PTPRD: variants seen among roughly 807,000 people sequenced by gnomAD.
PTPRD encodes the protein receptor-type tyrosine-protein phosphatase delta.
PTPRD carries 34 observed loss-of-function variants against 214.5 expected under a neutral mutation model. The ratio of observed to expected loss-of-function variants is 0.16; its 90% CI spans 0.12 to 0.21. PTPRD has a LOEUF of 0.21. PTPRD is among the 10% of genes least tolerant of loss of function. PTPRD has a pLI of 1.00. For missense variants in PTPRD, 2,545 were observed against 2,398.7 expected, an observed-to-expected ratio of 1.06 and a Z score of -1.27; for synonymous variants, 1,128 against 845.7, an observed-to-expected ratio of 1.33 and a Z score of -5.79.
rs552938334 is a variant in PTPRD, at chr9:10,314,447, A to G, written c.-545+26516T>C. 3.3e-5 allele frequency among the ~76,000 whole-genome samples: 5 copies of G among 152,072 alleles called. No homozygotes were observed. The South Asian group carries it at 1.0e-3, about 32-fold the overall frequency. ...TATAGCAGGAACAAGTAAACAAATA[A>G]GAATCAGGAACTCCTGAGTAGGCAG... On this transcript the variant is annotated intron_variant, in intron 3 of 45. Transcript: ENST00000381196.
intron 9 of PTPRD, among the ~76,000 whole-genome samples, chr9:9,397,189 T>C (rs1057485886): frequency 1.3e-5 from 2 of 152,018 alleles, no homozygotes; most frequent in Admixed American, 1.3e-4. Flanking sequence ...ACTTTTCTAG[T>C]TGATTGAGAG....
chr9:9,459,125 C>T (rs1045992020), intron 8 of PTPRD, among the ~76,000 whole-genome samples: 4 of 151,954 alleles, frequency 2.6e-5, no homozygotes, highest in Admixed American at 2.6e-4. Context: ...CTCAAAGCCC[C>T]ATGGAATGGC....
chr9:9,253,937 G>C (rs1433226335), intron 9 of PTPRD, among the ~76,000 whole-genome samples: 1 of 152,026 alleles, frequency 6.6e-6, no homozygotes. Flanking sequence ...TCAGCCTCTG[G>C]CAGTTGCCAG....
intron 11 of PTPRD, among the ~76,000 whole-genome samples, chr9:8,945,692 G>T (rs1321242916): frequency 6.6e-6 from 1 of 151,272 alleles, no homozygotes; most frequent in South Asian, 2.1e-4. Context: ...TTGATTATTT[G>T]GTAATGGATT....
intron 14 of PTPRD, among the ~76,000 whole-genome samples, chr9:8,623,892 A>C (rs1337814663): frequency 1.3e-5 from 2 of 152,076 alleles, no homozygotes; most frequent in South Asian, 2.1e-4. Context: ...ATAATCAAAA[A>C]AACAAAACAA....
At chr9:9,816,334 T>A (rs1158810919) in intron 5 of PTPRD, among the ~76,000 whole-genome samples, 2 of 151,996 alleles carry the variant, frequency 1.3e-5, no homozygotes, top group Non-Finnish European at 2.9e-5. Context: ...ATTGCCACAT[T>A]AAAACAAACA....
At chr9:9,067,017 C>T (rs921936993) in intron 10 of PTPRD, among the ~76,000 whole-genome samples, 3 of 152,100 alleles carry the variant, frequency 2.0e-5, no homozygotes, top group South Asian at 2.1e-4. Context: ...CTGAGGTGGG[C>T]GGATCACCTG....
At chr9:8,498,718 T>C (rs2097331467) in intron 25 of PTPRD, among the ~76,000 whole-genome samples, 1 of 152,154 alleles carries the variant, frequency 6.6e-6, no homozygotes, top group South Asian at 2.1e-4. Flanking sequence ...GATCATAATA[T>C]CCTATCCCCA....
intron 3 of PTPRD, among the ~76,000 whole-genome samples, chr9:10,252,686 G>T (rs974050730): frequency 2.6e-4 from 39 of 152,132 alleles, no homozygotes; most frequent in African/African-American, 8.4e-4. Context: ...TAATCACCAA[G>T]ATTTCTTTTT....
chr9:9,206,455 G>A (rs954456174), intron 9 of PTPRD, among the ~76,000 whole-genome samples: 2 of 152,176 alleles, frequency 1.3e-5, no homozygotes, highest in Non-Finnish European at 2.9e-5. Context: ...AATATTGAGT[G>A]TCAACTTGAT....
chr9:10,511,569 A>G (rs1185852220), intron 2 of PTPRD, among the ~76,000 whole-genome samples: 1 of 127,860 alleles, frequency 7.8e-6, no homozygotes. Flanking sequence ...ACACCCTGGT[A>G]TTTTTTTTTT....
chr9:8,737,023 G>A (rs1220839730), intron 11 of PTPRD, among the ~76,000 whole-genome samples: 4 of 152,142 alleles, frequency 2.6e-5, no homozygotes, highest in Non-Finnish European at 4.4e-5. Flanking sequence ...CTGTGCAAGC[G>A]TATCAGAGCC....
intron 11 of PTPRD, among the ~76,000 whole-genome samples, chr9:8,812,932 C>G (rs963506711): frequency 2.3e-4 from 35 of 151,656 alleles, no homozygotes; most frequent in African/African-American, 8.5e-4. Context: ...AGTGACTAGC[C>G]CAGTAGATCA....
At chr9:9,299,563 ATTAT>A (rs1453488744) in intron 9 of PTPRD, among the ~76,000 whole-genome samples, 2 of 151,720 alleles carry the variant, frequency 1.3e-5, no homozygotes, top group Non-Finnish European at 2.9e-5. Flanking sequence ...TGGACTGCAG[ATTAT>A]TTATAACTCT....
At chr9:9,502,942 G>A (rs926628115) in intron 8 of PTPRD, among the ~76,000 whole-genome samples, 8 of 151,934 alleles carry the variant, frequency 5.3e-5, no homozygotes, top group African/African-American at 1.9e-4. Context: ...GACTGCAAAG[G>A]AGTTAAAGTA....
chr9:9,051,543 T>C (rs976114420), intron 10 of PTPRD, among the ~76,000 whole-genome samples: 1 of 152,230 alleles, frequency 6.6e-6, no homozygotes, highest in Non-Finnish European at 1.5e-5. Flanking sequence ...TTTTTTAACA[T>C]AGAAATCCAG....
In PTPRD at chr9:8,315,440, G is replaced by C. The variant is rs1024056668; in HGVS notation, c.*2434C>G. 19 of 232,218 alleles carry C rather than the reference G, an allele frequency of 8.2e-5. No homozygotes were observed. Among genetic ancestry groups the C allele is most frequent in the African/African-American group, 4.2e-4 (19 of 45,228 alleles). The allele number at this position is 232,218 out of a possible 1,614,324, so 14.4% of individuals were successfully genotyped here. On this transcript the variant is annotated 3_prime_UTR_variant, in exon 46 of 46. Coordinates refer to ENST00000381196, the MANE Select transcript of PTPRD (RefSeq NM_002839.4). ...GGCATGTCTGGATGATGCAATGTCT[G>C]TCTGACCCCCTTTGTTTAACTAAAA...
Position 9,381,632 on chromosome 9 carries a change from T to C in PTPRD, c.-203+15817A>G, listed in dbSNP as rs575372237. Reference sequence around the variant, plus strand: ...CCTCCCAAAGTGCTGAGATTACAGGTGTGGGCCACCACGCTCAGACAGCTA... The same window carrying C: ...CCTCCCAAAGTGCTGAGATTACAGGCGTGGGCCACCACGCTCAGACAGCTA... On this transcript the variant is annotated intron_variant, in intron 9 of 45. Coordinates refer to ENST00000381196, the MANE Select transcript of PTPRD (RefSeq NM_002839.4). Among the ~76,000 whole-genome samples the C allele has an allele frequency of 1.3e-4, 20 of 152,118 alleles. No homozygotes were observed. The East Asian group carries it at 3.3e-3, about 25-fold the overall frequency.
At chr9:8,463,063 T>C (rs1347721176) in intron 32 of PTPRD, among the ~76,000 whole-genome samples, 1 of 151,878 alleles carries the variant, frequency 6.6e-6, no homozygotes, top group Non-Finnish European at 1.5e-5. Flanking sequence ...GATTGGTACA[T>C]ATATTTAAAT....
Sources: allele counts gnomAD v4.1 joint callset (sites outside exome capture counted in the v4.1 genomes callset), GRCh38; gene constraint gnomAD v4.1.1; transcripts MANE v1.5; gene names NCBI Gene and HGNC (gene_info 2026-07-23, HGNC 2026-07-21).